The following AMTN variants were observed in gnomAD, a reference collection of about 807,000 sequenced individuals.
AMTN encodes the protein amelotin.
In AMTN, 29 loss-of-function variants were observed where a neutral mutation model predicts 27.4. That is an observed-to-expected ratio of 1.06 (90% CI 0.79 to 1.44). The LOEUF (loss-of-function observed/expected upper bound fraction) is 1.44, where lower values mean the gene tolerates loss of function less well. Among genes scored for constraint, AMTN ranks in the 40% most tolerant of loss-of-function variants. The probability of loss-of-function intolerance (pLI) is 0.00; values close to 1 mark genes in which losing one functional copy is unlikely to be tolerated. For missense variants in AMTN, 247 were observed against 248.8 expected (o/e 0.99, Z 0.05); for synonymous variants, 86 against 95.7 (o/e 0.90, Z 0.59).
At chr4:70,523,977 A>C (rs1221186295) in intron 4 of AMTN, 44 bp downstream of exon 4, 2 of 1,511,700 alleles carry the variant, frequency 1.3e-6, no homozygotes, top group South Asian at 2.3e-5. Context: ...TGTGAAATAA[A>C]TATAATGCCT....
chr4:70,528,798 C>T (rs1736154087), intron 6 of AMTN, 40 bp downstream of exon 6: 1 of 1,528,574 alleles, frequency 6.5e-7, no homozygotes, highest in African/African-American at 1.4e-5. Context: ...TTTAAATCAC[C>T]TTGCTGTGAA....
Position 70,519,913 on chromosome 4 carries a change from C to CGTGT in AMTN, c.54+1099_54+1102dup, listed in dbSNP as rs10645813. ...CTTTATCCCAAATACATACTACATA[C>CGTGT]GTGTGTGTGTGTGTGTGTGTCTGTG... On this transcript the variant is annotated intron_variant, in intron 2 of 8. Coordinates refer to ENST00000339336, the MANE Select transcript of AMTN (RefSeq NM_212557.4). 8.3e-3 allele frequency among the ~76,000 whole-genome samples: 1,228 copies of CGTGT among 147,176 alleles called. 8 individuals are homozygous for CGTGT. Among genetic ancestry groups the CGTGT allele is most frequent in the Middle Eastern group, 0.014 (4 of 284 alleles).
At chr4:70,531,418 C>T in intron 8 of AMTN, 118 bp downstream of exon 8, 1 of 1,326,998 alleles carries the variant, frequency 7.5e-7, no homozygotes, top group East Asian at 2.4e-5. Flanking sequence ...TAGGAAGCCC[C>T]TTTACTCACT....
At chr4:70,524,739 G>C in intron 4 of AMTN, 133 bp from the exon 5 acceptor site, 1 of 797,336 alleles carries the variant, frequency 1.3e-6, no homozygotes, top group Non-Finnish European at 2.1e-6. Context: ...AAGTATACAT[G>C]CAATAGAACA....
intron 2 of AMTN, 129 bp from the exon 3 acceptor site, chr4:70,522,626 C>G: frequency 5.6e-6 from 5 of 889,904 alleles, no homozygotes; most frequent in Non-Finnish European, 9.2e-6. Flanking sequence ...TTCAGGGAAT[C>G]AAACTCCTCT....
rs1454757888 is a variant in AMTN, at chr4:70,529,222, A to T, written c.357+12A>T. The T allele has an allele frequency of 2.0e-6, 3 of 1,531,542 alleles. No individual in the cohort carries two copies. In the Admixed American group the frequency reaches 6.7e-5, roughly 34 times the overall value. The allele number at this position is 1,531,542 out of a possible 1,614,324, so 94.9% of individuals were successfully genotyped here. A position where few individuals can be genotyped will look rare whatever the true frequency, so the allele number is the denominator to read the frequency against. ...GCTCAGAGGAATTGGTAAAAAAAAT[A>T]AAAATACTATTTCAAATTATTTTCA... On this transcript the variant is annotated intron_variant, in intron 7 of 8. Transcript: ENST00000339336.
At chr4:70,520,988 T>G (rs1577931311) in intron 2 of AMTN, among the ~76,000 whole-genome samples, 1 of 151,070 alleles carries the variant, frequency 6.6e-6, no homozygotes, top group Admixed American at 6.6e-5. Flanking sequence ...CAGAGCAGAG[T>G]GAGGGAGGGG....
At position 70,518,638 on chromosome 4, in the gene AMTN, G is replaced by C; in HGVS notation, c.-32G>C. On this transcript the variant is annotated 5_prime_UTR_variant, in exon 1 of 9. Coordinates refer to ENST00000339336, the MANE Select transcript of AMTN (RefSeq NM_212557.4). ...CTGGACCTTGAGTATTGTACATTTT[G>C]CCTCGTGGACCCAAAGGTAACATTA... The C allele has an allele frequency of 1.5e-6, 1 of 667,854 alleles. No homozygotes were observed. Among genetic ancestry groups the C allele is most frequent in the Non-Finnish European group, 2.6e-6 (1 of 386,626 alleles). The allele number at this position is 667,854 out of a possible 1,614,324, so 41.4% of individuals were successfully genotyped here.
chr4:70,531,916 A>G (rs1478454638), intron 8 of AMTN, among the ~76,000 whole-genome samples: 1 of 152,236 alleles, frequency 6.6e-6, no homozygotes, highest in Non-Finnish European at 1.5e-5. Flanking sequence ...TCGGCCTCCC[A>G]AAGAGCTGGG....
chr4:70,524,924 T>C lies in AMTN; in HGVS notation c.257T>C (p.Leu86Pro), dbSNP rs1453148963. The change falls in exon 5 of 9, where the codon CTG becomes CCG. Residue 86 changes from leucine to proline, a missense_variant. Coordinates refer to ENST00000339336, the MANE Select transcript of AMTN (RefSeq NM_212557.4). ...TPGTQTHPLT[L>P]GGLNVQQQLH... is the part of the protein sequence containing the mutation. Reference sequence around the variant, plus strand: ...GGTACCCAGACCCACCCATTGACCCTGGGAGGGTTGAATGTACAACAGCAA... The same window carrying C: ...GGTACCCAGACCCACCCATTGACCCCGGGAGGGTTGAATGTACAACAGCAA... 1.2e-6 allele frequency: 2 copies of C among 1,614,042 alleles called. No individual in the cohort carries two copies. Among genetic ancestry groups the C allele is most frequent in the East Asian group, 2.2e-5 (1 of 44,862 alleles).
rs1354164201 is a variant in AMTN at position 70,518,763 on chromosome 4, G to A, written c.-15G>A. The A allele has an allele frequency of 1.9e-6, 3 of 1,582,142 alleles. No individual in the cohort carries two copies. In the African/African-American group the frequency reaches 4.2e-5, roughly 22 times the overall value. ...GAGTAACACTTTTTTGTTGTTGTAG[G>A]TAGCAATCTGAAACATGAGGAGTAC... On this transcript the variant is annotated splice_region_variant and 5_prime_UTR_variant, in exon 2 of 9. Transcript: ENST00000339336.
chr4:70,531,698 G>T (rs1425635751), intron 8 of AMTN, among the ~76,000 whole-genome samples: 4 of 152,148 alleles, frequency 2.6e-5, no homozygotes, highest in Admixed American at 6.5e-5. Flanking sequence ...TTTTAATAGA[G>T]ACAGAGTTCA....
rs767784955 is a variant in AMTN at position 70,529,189 on chromosome 4, T to G, written c.336T>G (p.Thr112=). ...IFVTQLGAQG[T]ILSSEELPQI... ...GTTTGTCATTTTGCTTTTAGGGCACTATCCTAAGCTCAGAGGAATTGGTAA... is the reference window on the plus strand; with the variant it reads ...GTTTGTCATTTTGCTTTTAGGGCACGATCCTAAGCTCAGAGGAATTGGTAA... The change falls in exon 7 of 9, where the codon ACT becomes ACG. Residue 112 remains threonine (T), a synonymous_variant. Transcript: ENST00000339336. 133 of 1,555,614 alleles carry G rather than the reference T, an allele frequency of 8.5e-5. No homozygotes were observed. Among genetic ancestry groups the G allele is most frequent in the Non-Finnish European group, 1.1e-4 (127 of 1,157,060 alleles).
rs763143860 is a variant in AMTN, at chr4:70,521,640, CTTTTT to C, written c.55-1083_55-1079del. Among the ~76,000 whole-genome samples the C allele has an allele frequency of 4.2e-3, 318 of 76,450 alleles. 32 individuals carry two copies. Among genetic ancestry groups the C allele is most frequent in the African/African-American group, 0.013 (222 of 17,006 alleles). 50.2% of individuals were successfully genotyped at this position (76,450 alleles called of 152,430 possible). A position where few individuals can be genotyped will look rare whatever the true frequency, so the allele number is the denominator to read the frequency against. ...CCTAGAACAGATAATACCAACCTCT[CTTTTT>C]TTTTTTTTTTTTTTTTTTTTTTTTT... On this transcript the variant is annotated intron_variant, in intron 2 of 8. Transcript: ENST00000339336.
intron 2 of AMTN, among the ~76,000 whole-genome samples, chr4:70,520,895 A>C (rs1560571829): frequency 1.3e-5 from 2 of 152,196 alleles, no homozygotes; most frequent in Non-Finnish European, 2.9e-5. Context: ...AGAACATTCC[A>C]GACAGAGGGA....
chr4:70,523,765 C>G, intron 3 of AMTN, 103 bp from the exon 4 acceptor site: 1 of 1,002,024 alleles, frequency 1.0e-6, no homozygotes, highest in East Asian at 2.4e-5. Flanking sequence ...CATGGTAAAC[C>G]CACCTCTGAC....
At chr4:70,520,186 C>T (rs1735924048) in intron 2 of AMTN, among the ~76,000 whole-genome samples, 1 of 152,160 alleles carries the variant, frequency 6.6e-6, no homozygotes, top group Non-Finnish European at 1.5e-5. Context: ...AGCAGGCCGG[C>T]TGTGCAGGCC....
intron 5 of AMTN, among the ~76,000 whole-genome samples, chr4:70,526,804 G>A (rs1005442322): frequency 1.3e-5 from 2 of 152,100 alleles, no homozygotes; most frequent in East Asian, 3.9e-4. Flanking sequence ...TACACTCTCT[G>A]TGCAATATTA....
chr4:70,526,825 C>A (rs1320307149), intron 5 of AMTN, among the ~76,000 whole-genome samples: 1 of 152,012 alleles, frequency 6.6e-6, no homozygotes, highest in East Asian at 1.9e-4. Flanking sequence ...TAAATCAGTC[C>A]CCATTTGCTG....
Sources: gnomAD v4.1 joint callset for allele counts (sites outside exome capture counted in the v4.1 genomes callset) on GRCh38, gnomAD v4.1.1 for gene constraint, MANE v1.5 for transcripts, NCBI Gene and HGNC (gene_info 2026-07-23, HGNC 2026-07-21) for gene names.